TRIM44: variants seen among roughly 807,000 people sequenced by gnomAD.
TRIM44 encodes the protein tripartite motif containing 44.
TRIM44 carries 13 observed loss-of-function variants against 37.4 expected under a neutral mutation model. The ratio of observed to expected loss-of-function variants is 0.35; its 90% CI spans 0.23 to 0.55. The LOEUF (loss-of-function observed/expected upper bound fraction) is 0.55. Ranked by LOEUF, TRIM44 falls within the 20% of genes least tolerant of loss-of-function variation. The pLI is 0.89. For synonymous variants in TRIM44, 175 were observed against 157.2 expected, an observed-to-expected ratio of 1.11 and a Z score of -0.85; for missense variants, 426 against 437.2, an observed-to-expected ratio of 0.97 and a Z score of 0.23.
chr11:35,709,391 C>T (rs1464337000), intron 2 of TRIM44, among the ~76,000 whole-genome samples: 2 of 152,086 alleles, frequency 1.3e-5, no homozygotes, highest in Non-Finnish European at 2.9e-5. Flanking sequence ...ATTTTTCCTA[C>T]CTAAGTGGGC....
chr11:35,678,851 T>C (rs977014765), intron 1 of TRIM44, among the ~76,000 whole-genome samples: 4 of 152,146 alleles, frequency 2.6e-5, no homozygotes, highest in Non-Finnish European at 5.9e-5. Context: ...CCACCCACTT[T>C]GGCCTCCCAA....
intron 1 of TRIM44, among the ~76,000 whole-genome samples, chr11:35,671,200 A>G (rs1216633976): frequency 6.6e-6 from 1 of 152,234 alleles, no homozygotes. Context: ...GTAGAAAAGA[A>G]CAAATAAGCA....
At position 35,806,516 on chromosome 11, in the gene TRIM44, C is replaced by T. The variant is rs1175708890; in HGVS notation, c.*131C>T. The T allele has an allele frequency of 5.3e-6, 5 of 943,850 alleles. No individual in the cohort carries two copies. The highest frequency in any genetic ancestry group is 8.5e-6 in the Non-Finnish European group (5 of 586,416). The allele number at this position is 943,850 out of a possible 1,614,324, so 58.5% of individuals were successfully genotyped here. ...ACTTCCACCAGATGTGTCCCCAGAT[C>T]CACAGCAGGCACATATCTCTCCAAG... On this transcript the variant is annotated 3_prime_UTR_variant, in exon 5 of 5. Transcript: ENST00000299413.
intron 4 of TRIM44, among the ~76,000 whole-genome samples, chr11:35,805,010 T>G (rs901950999): frequency 1.3e-5 from 2 of 152,092 alleles, no homozygotes; most frequent in Admixed American, 6.5e-5. Context: ...GATGAAAAAT[T>G]TCTAGGTAAT....
intron 1 of TRIM44, among the ~76,000 whole-genome samples, chr11:35,666,925 G>T (rs1368745693): frequency 6.6e-6 from 1 of 152,080 alleles, no homozygotes; most frequent in Non-Finnish European, 1.5e-5. Flanking sequence ...TGTGTGAAGA[G>T]AGATACTTTT....
chr11:35,666,758 C>G (rs1208487715), intron 1 of TRIM44, among the ~76,000 whole-genome samples: 1 of 152,078 alleles, frequency 6.6e-6, no homozygotes, highest in Non-Finnish European at 1.5e-5. Context: ...GACCCTATCT[C>G]TAAAATAAAA....
intron 4 of TRIM44, among the ~76,000 whole-genome samples, chr11:35,773,048 C>T (rs1852895548): frequency 6.6e-6 from 1 of 152,114 alleles, no homozygotes; most frequent in African/African-American, 2.4e-5. Flanking sequence ...ATGCTATTCT[C>T]ATGGTCGTGA....
At chr11:35,791,868 ACTGG>A (rs1853216223) in intron 4 of TRIM44, among the ~76,000 whole-genome samples, 1 of 152,136 alleles carries the variant, frequency 6.6e-6, no homozygotes, top group Non-Finnish European at 1.5e-5. Flanking sequence ...GTGTTCCATC[ACTGG>A]CATGTATTTG....
chr11:35,766,180 G>T (rs1360243838), intron 4 of TRIM44, among the ~76,000 whole-genome samples: 2 of 151,980 alleles, frequency 1.3e-5, no homozygotes, highest in African/African-American at 4.8e-5. Context: ...CATCACTTTG[G>T]CCCATGCCCT....
intron 2 of TRIM44, among the ~76,000 whole-genome samples, chr11:35,703,337 A>G (rs974830050): frequency 3.9e-5 from 6 of 152,230 alleles, no homozygotes; most frequent in African/African-American, 1.2e-4. Flanking sequence ...CGGGGCACAG[A>G]CAAACAAAAA....
chr11:35,706,496 C>A lies in TRIM44; in HGVS notation c.748-19428C>A, dbSNP rs910354613. ...TTAGACCAATATCCTTGATGAACAT[C>A]GATGCAAAAATCCTCAATAAAATAC... On this transcript the variant is annotated intron_variant, in intron 2 of 4. Coordinates refer to ENST00000299413, the MANE Select transcript of TRIM44 (RefSeq NM_017583.6). 1.5e-3 allele frequency among the ~76,000 whole-genome samples: 235 copies of A among 152,232 alleles called. 1 individual carries two copies. The highest frequency in any genetic ancestry group is 2.6e-3 in the Non-Finnish European group (175 of 68,014).
chr11:35,761,332 GTAC>G (rs1186169794), intron 4 of TRIM44, among the ~76,000 whole-genome samples: 1 of 152,082 alleles, frequency 6.6e-6, no homozygotes, highest in African/African-American at 2.4e-5. Flanking sequence ...GGCAGAGTCT[GTAC>G]CCAAGTTTTA....
At chr11:35,704,718 T>G (rs1250089875) in intron 2 of TRIM44, among the ~76,000 whole-genome samples, 2 of 152,058 alleles carry the variant, frequency 1.3e-5, no homozygotes, top group African/African-American at 4.8e-5. Flanking sequence ...TGCTGAGAGA[T>G]TTTGTCACCA....
chr11:35,739,737 T>C (rs1036888752), intron 4 of TRIM44, among the ~76,000 whole-genome samples: 1 of 152,048 alleles, frequency 6.6e-6, no homozygotes, highest in African/African-American at 2.4e-5. Context: ...ACTCCTCAGA[T>C]CCATGATACA....
chr11:35,705,486 T>G (rs1398848734), intron 2 of TRIM44, among the ~76,000 whole-genome samples: 9 of 152,156 alleles, frequency 5.9e-5, no homozygotes, highest in Admixed American at 5.9e-4. Context: ...ACCACACCTA[T>G]TCCAAAATTG....
At chr11:35,732,776 AGCAGGAACATCACAT>A (rs1348433675) in intron 3 of TRIM44, among the ~76,000 whole-genome samples, 2 of 152,222 alleles carry the variant, frequency 1.3e-5, no homozygotes, top group Non-Finnish European at 2.9e-5. Context: ...CATTTCAGGT[AGCAGGAACATCACAT>A]GCATATCTTT....
At chr11:35,741,939 A>G (rs746641500) in intron 4 of TRIM44, among the ~76,000 whole-genome samples, 3 of 152,062 alleles carry the variant, frequency 2.0e-5, no homozygotes, top group Non-Finnish European at 4.4e-5. Flanking sequence ...CTATCTATTT[A>G]TTTATTTATG....
At chr11:35,665,161 G>A (rs568591373) in intron 1 of TRIM44, among the ~76,000 whole-genome samples, 101 of 151,586 alleles carry the variant, frequency 6.7e-4, no homozygotes, top group African/African-American at 1.6e-3. Context: ...GTTTGGGAGC[G>A]TCGGGCTGTT....
chr11:35,692,142 C>T (rs1851643540), intron 2 of TRIM44, among the ~76,000 whole-genome samples: 1 of 151,912 alleles, frequency 6.6e-6, no homozygotes, highest in African/African-American at 2.4e-5. Flanking sequence ...AATAAAATCG[C>T]CCATTTTTTT....
Sources: gnomAD v4.1 joint callset for allele counts (sites outside exome capture counted in the v4.1 genomes callset) on GRCh38, gnomAD v4.1.1 for gene constraint, MANE v1.5 for transcripts, NCBI Gene and HGNC (gene_info 2026-07-23, HGNC 2026-07-21) for gene names.